The following PCDHA4 variants were observed in gnomAD, a reference collection of about 807,000 sequenced individuals.
PCDHA4 encodes protocadherin alpha 4, also known as protocadherin alpha-4.
Under a neutral mutation model 61.4 loss-of-function variants are expected in PCDHA4, and 49 were observed. That is an observed-to-expected ratio of 0.80 (90% CI 0.63 to 1.01). The LOEUF (loss-of-function observed/expected upper bound fraction) is 1.01. PCDHA4 is among the 50% of genes least tolerant of loss of function. The probability of loss-of-function intolerance (pLI) is 0.00; values close to 1 mark genes in which losing one functional copy is unlikely to be tolerated. For synonymous variants in PCDHA4, 590 were observed against 550.3 expected (o/e 1.07, Z -1.01); for missense variants, 1,254 against 1,235.8 (o/e 1.01, Z -0.22).
In PCDHA4 at chr5:140,898,801, A is replaced by T. The variant is rs1275933236; in HGVS notation, c.2386-80148A>T. The stretch of plus-strand genomic sequence containing the variant: ...TGGGCAGTATGGCCATTTTCACGAT[A>T]CTGATTCTTCCTACCCATGAGCATG... On this transcript the variant is annotated intron_variant, in intron 1 of 3. Coordinates refer to ENST00000530339, the MANE Select transcript of PCDHA4 (RefSeq NM_018907.4). Among the ~76,000 whole-genome samples the T allele has an allele frequency of 1.3e-5, 2 of 152,200 alleles. 1 individual carries two copies. The highest frequency in any genetic ancestry group is 3.8e-4 in the East Asian group (2 of 5,198).
chr5:140,870,726 G>A (rs782321328), intron 1 of PCDHA4: 15 of 1,613,118 alleles, frequency 9.3e-6, no homozygotes, highest in East Asian at 2.2e-5. Flanking sequence ...ATGCGGGCGT[G>A]CCGCCTCTGA....
At chr5:140,956,356 T>C (rs1283114496) in intron 1 of PCDHA4, among the ~76,000 whole-genome samples, 3 of 152,218 alleles carry the variant, frequency 2.0e-5, no homozygotes, top group Non-Finnish European at 4.4e-5. Flanking sequence ...ATTTTTAACA[T>C]GAAGGGATGT....
intron 1 of PCDHA4, chr5:140,884,429 C>G: frequency 6.2e-7 from 1 of 1,613,964 alleles, no homozygotes. Flanking sequence ...GTATACTGCG[C>G]TGCGGTGCTC....
chr5:140,961,915 G>T (rs1393178053), intron 1 of PCDHA4, among the ~76,000 whole-genome samples: 4 of 146,912 alleles, frequency 2.7e-5, no homozygotes, highest in Non-Finnish European at 4.5e-5. Context: ...ATGGAGTCTC[G>T]CTCTGTTGCC....
chr5:140,949,880 A>G (rs1448161802), intron 1 of PCDHA4, among the ~76,000 whole-genome samples: 1 of 151,692 alleles, frequency 6.6e-6, no homozygotes, highest in African/African-American at 2.4e-5. Flanking sequence ...TTATTTGGGT[A>G]TTCCTCAGAA....
At chr5:140,835,995 C>G in intron 1 of PCDHA4, 7 of 1,613,324 alleles carry the variant, frequency 4.3e-6, no homozygotes, top group Non-Finnish European at 5.1e-6. Context: ...GGTGAGCGCG[C>G]GCGATGCGGG....
At position 141,011,145 on chromosome 5, in the gene PCDHA4, TCTC is replaced by T. The variant is rs1410974061; in HGVS notation, c.*1209_*1211del. The T allele has an allele frequency of 6.5e-6, 1 of 153,734 alleles. No individual in the cohort carries two copies. Among genetic ancestry groups the T allele is most frequent in the Non-Finnish European group, 1.5e-5 (1 of 68,036 alleles). 9.5% of individuals were successfully genotyped at this position (153,734 alleles called of 1,614,324 possible). A position where few individuals can be genotyped will look rare whatever the true frequency, so the allele number is the denominator to read the frequency against. On this transcript the variant is annotated 3_prime_UTR_variant, in exon 4 of 4. Transcript: ENST00000530339. Reference sequence around the variant, plus strand: ...TTATGTGCACTTTGATACACAACCTTCTCTAACCAACTATATATCAAGACCCAA... The same window carrying T: ...TTATGTGCACTTTGATACACAACCTTTAACCAACTATATATCAAGACCCAA...
intron 1 of PCDHA4, among the ~76,000 whole-genome samples, chr5:140,954,919 C>T (rs246021): frequency 4.6e-5 from 7 of 151,890 alleles, no homozygotes; most frequent in African/African-American, 1.7e-4. Flanking sequence ...TTATGAATTA[C>T]GTCTTTAATT....
intron 1 of PCDHA4, chr5:140,877,792 C>A (rs782259804): frequency 1.9e-6 from 3 of 1,613,886 alleles, no homozygotes; most frequent in Non-Finnish European, 2.5e-6. Flanking sequence ...GGCCTTCAGC[C>A]CAAGCCTTCA....
At position 140,809,061 on chromosome 5, in the gene PCDHA4, G is replaced by T. The variant is rs1554124972; in HGVS notation, c.1874G>T (p.Gly625Val). 3 of 1,613,928 alleles carry T rather than the reference G, an allele frequency of 1.9e-6. No homozygotes were observed. In the Admixed American group the frequency reaches 5.0e-5, roughly 27 times the overall value. The change falls in exon 1 of 4, where the codon GGG becomes GTG. Residue 625 changes from glycine (G) to valine (V), a missense_variant. Physicochemically the swap from Gly to Val is moderately radical, Grantham distance 109. Coordinates refer to ENST00000530339, the MANE Select transcript of PCDHA4 (RefSeq NM_018907.4). ...TGGARIPFRV[G>V]LYTGEISTTR... The stretch of plus-strand genomic sequence containing the variant: ...GGCGCGCGCATCCCGTTCCGCGTGG[G>T]GCTGTACACTGGCGAGATCAGCACA...
chr5:140,953,881 A>G (rs1481970999), intron 1 of PCDHA4, among the ~76,000 whole-genome samples: 2 of 152,130 alleles, frequency 1.3e-5, no homozygotes, highest in Non-Finnish European at 2.9e-5. Flanking sequence ...AGATCAACCC[A>G]TCACCTAGGT....
At chr5:140,829,046 C>G (rs1182116205) in intron 1 of PCDHA4, 1 of 1,612,782 alleles carries the variant, frequency 6.2e-7, no homozygotes, top group African/African-American at 1.3e-5. Context: ...ATACAAAATC[C>G]TCATTGACGC....
chr5:140,985,900 C>A (rs896937826), intron 3 of PCDHA4, among the ~76,000 whole-genome samples: 2 of 151,872 alleles, frequency 1.3e-5, no homozygotes, highest in Non-Finnish European at 2.9e-5. Context: ...CCACCACTCC[C>A]GTCTAATTTT....
intron 1 of PCDHA4, among the ~76,000 whole-genome samples, chr5:140,955,262 C>T (rs1473601347): frequency 1.3e-5 from 2 of 152,044 alleles, no homozygotes; most frequent in African/African-American, 4.8e-5. Flanking sequence ...TATAAAGGCT[C>T]TTTTTTGGTT....
At chr5:140,891,432 C>T (rs183679) in intron 1 of PCDHA4, among the ~76,000 whole-genome samples, 69,006 of 149,136 alleles carry the variant, frequency 0.46, 16,159 homozygotes, top group South Asian at 0.58. Context: ...AAGTCCCCAA[C>T]GTCCATTGTA....
At position 140,857,550 on chromosome 5, in the gene PCDHA4, G is replaced by A; in HGVS notation, c.2385+47978G>A. 4 of 1,596,852 alleles carry A rather than the reference G, an allele frequency of 2.5e-6. 1 individual carries two copies. The highest frequency in any genetic ancestry group is 3.4e-6 in the Non-Finnish European group (4 of 1,167,652). On this transcript the variant is annotated intron_variant, in intron 1 of 3. Coordinates refer to ENST00000530339, the MANE Select transcript of PCDHA4 (RefSeq NM_018907.4). ...CTGGTGGAGCGGCGGTTGGGCGAGC[G>A]CTCGCTGTCGAGCTACGTGTCGGTG...
intron 1 of PCDHA4, chr5:140,926,959 G>A: frequency 6.2e-7 from 1 of 1,604,022 alleles, no homozygotes; most frequent in Non-Finnish European, 8.5e-7. Context: ...GGGACAGCTC[G>A]AGTACTCAGT....
chr5:140,907,733 A>C (rs2073566986), intron 1 of PCDHA4, among the ~76,000 whole-genome samples: 1 of 152,162 alleles, frequency 6.6e-6, no homozygotes, highest in Non-Finnish European at 1.5e-5. Context: ...CATCCCTGCC[A>C]CCATGGCCAC....
At chr5:140,988,489 C>G (rs1197670303) in intron 3 of PCDHA4, among the ~76,000 whole-genome samples, 4 of 152,134 alleles carry the variant, frequency 2.6e-5, no homozygotes, top group Non-Finnish European at 5.9e-5. Flanking sequence ...CATCCCCTAC[C>G]TAGGAGAAGC....
Sources: allele counts gnomAD v4.1 joint callset (sites outside exome capture counted in the v4.1 genomes callset), GRCh38; gene constraint gnomAD v4.1.1; transcripts MANE v1.5; gene names NCBI Gene and HGNC (gene_info 2026-07-23, HGNC 2026-07-21).